TRIO: variants seen among roughly 807,000 people sequenced by gnomAD.
The protein encoded by TRIO is trio Rho guanine nucleotide exchange factor, also known as triple functional domain protein.
TRIO carries 58 observed loss-of-function variants against 351.9 expected under a neutral mutation model. The ratio of observed to expected loss-of-function variants is 0.16; its 90% CI spans 0.13 to 0.21. The LOEUF (loss-of-function observed/expected upper bound fraction) is 0.21. TRIO is among the 10% of genes least tolerant of loss of function. The pLI is 1.00. For synonymous variants in TRIO, 1,758 were observed against 1,595.7 expected, an observed-to-expected ratio of 1.10 and a Z score of -2.42; for missense variants, 3,201 against 4,027.8, an observed-to-expected ratio of 0.79 and a Z score of 5.56.
chr5:14,188,474 A>G (rs778579668), intron 1 of TRIO, among the ~76,000 whole-genome samples: 2 of 152,232 alleles, frequency 1.3e-5, no homozygotes, highest in Non-Finnish European at 2.9e-5. Flanking sequence ...TAAATCATAT[A>G]GTAGACATGA....
chr5:14,394,071 A>G lies in TRIO; in HGVS notation c.4252A>G (p.Ile1418Val), dbSNP rs1390231561. Residue 1418 changes from isoleucine to valine, a missense_variant, in exon 28 of 57, where the codon ATT becomes GTT. This residue lies in a region of TRIO where 115 missense variants were observed against 239.6 expected (regional missense o/e 0.48). Transcript: ENST00000344204. ...IQQRHGLANSISSYLIKPVQR... is the reference protein window; with the variant it reads ...IQQRHGLANSVSSYLIKPVQR... The stretch of plus-strand genomic sequence containing the variant: ...GCAGCGACATGGATTAGCCAATTCC[A>G]TTTCTTCCTACCTTATTAAACCAGT... 1 of 1,613,388 alleles carries G rather than the reference A, an allele frequency of 6.2e-7. No homozygotes were observed.
intron 34 of TRIO, among the ~76,000 whole-genome samples, chr5:14,424,373 G>A (rs1012605891): frequency 6.6e-6 from 1 of 152,014 alleles, no homozygotes; most frequent in African/African-American, 2.4e-5. Flanking sequence ...ACTCTAAAAG[G>A]CATTCACAAT....
chr5:14,352,211 C>T (rs1403529230), intron 11 of TRIO, among the ~76,000 whole-genome samples: 1 of 152,196 alleles, frequency 6.6e-6, no homozygotes, highest in Non-Finnish European at 1.5e-5. Context: ...GCCCTCTGGC[C>T]TGCAGATCCC....
intron 36 of TRIO, among the ~76,000 whole-genome samples, chr5:14,464,748 C>T (rs748845075): frequency 2.6e-5 from 4 of 152,178 alleles, no homozygotes; most frequent in African/African-American, 7.2e-5. Flanking sequence ...TCGCATGCCT[C>T]GCCGCTGTCC....
chr5:14,453,178 G>A (rs1752972302), intron 34 of TRIO, among the ~76,000 whole-genome samples: 1 of 152,050 alleles, frequency 6.6e-6, no homozygotes. Context: ...AAATAAGAAG[G>A]AATGAATTTG....
chr5:14,397,324 T>G, intron 29 of TRIO, 170 bp downstream of exon 29: 1 of 591,026 alleles, frequency 1.7e-6, no homozygotes, highest in Non-Finnish European at 2.9e-6. Flanking sequence ...ACATAAAATG[T>G]TTCTATACTC....
At chr5:14,314,536 C>T (rs1209640500) in intron 8 of TRIO, among the ~76,000 whole-genome samples, 2 of 150,414 alleles carry the variant, frequency 1.3e-5, no homozygotes, top group African/African-American at 5.0e-5. Context: ...GAAAACCAAA[C>T]ACTGTCTTTG....
intron 55 of TRIO, among the ~76,000 whole-genome samples, chr5:14,506,089 C>T (rs1757658488): frequency 6.6e-6 from 1 of 152,190 alleles, no homozygotes; most frequent in African/African-American, 2.4e-5. Context: ...GCCTCAGGAC[C>T]CGGGAGGTCT....
In TRIO at chr5:14,487,858, C is replaced by T; in HGVS notation, c.7230C>T (p.Pro2410=). Residue 2410 remains proline, a synonymous_variant, in exon 48 of 57, where the codon CCC becomes CCT. Coordinates refer to ENST00000344204, the MANE Select transcript of TRIO (RefSeq NM_007118.4). ...CCGAGCGAGAAGCGGAGCCGATCCC[C>T]AAGATGAAGGTGCTGGAGAGCCCCA... ...EGSEREAEPI[P]KMKVLESPRK... is the part of the protein sequence containing the mutation. 6.5e-7 allele frequency: 1 copy of T among 1,531,426 alleles called. No homozygotes were observed. Among genetic ancestry groups the T allele is most frequent in the South Asian group, 1.2e-5 (1 of 82,562 alleles). The allele number at this position is 1,531,426 out of a possible 1,614,324, so 94.9% of individuals were successfully genotyped here.
chr5:14,290,649 A>G, intron 4 of TRIO, 67 bp from the exon 5 acceptor site: 3 of 1,478,014 alleles, frequency 2.0e-6, no homozygotes, highest in Non-Finnish European at 2.7e-6. Context: ...GAGCATTGCA[A>G]ATTGCATTAT....
chr5:14,252,900 G>T (rs1409352494), intron 1 of TRIO, among the ~76,000 whole-genome samples: 1 of 151,912 alleles, frequency 6.6e-6, no homozygotes, highest in Non-Finnish European at 1.5e-5. Flanking sequence ...GGCACACCCA[G>T]CAAGACTGGC....
chr5:14,306,936 T>C (rs1738425683), intron 8 of TRIO, among the ~76,000 whole-genome samples: 2 of 152,206 alleles, frequency 1.3e-5, no homozygotes, highest in Admixed American at 1.3e-4. Flanking sequence ...TGATAGGAAG[T>C]TAAACAGCCT....
At chr5:14,504,703 T>A in intron 55 of TRIO, 110 bp downstream of exon 55, 1 of 1,353,642 alleles carries the variant, frequency 7.4e-7, no homozygotes, top group East Asian at 2.3e-5. Flanking sequence ...TTGTAGAATT[T>A]ACAGAACTAA....
intron 1 of TRIO, among the ~76,000 whole-genome samples, chr5:14,229,755 C>T (rs191867120): frequency 2.6e-5 from 4 of 151,966 alleles, no homozygotes; most frequent in East Asian, 3.9e-4. Context: ...GCTGAAAACA[C>T]GAAAATAGCG....
chr5:14,169,099 G>A (rs1437466440), intron 1 of TRIO, among the ~76,000 whole-genome samples: 1 of 151,592 alleles, frequency 6.6e-6, no homozygotes, highest in South Asian at 2.1e-4. Flanking sequence ...TAGGTTTCTC[G>A]TTCTTTGTGT....
Position 14,206,709 on chromosome 5 carries a change from G to T in TRIO, c.157+62827G>T, listed in dbSNP as rs191982946. On this transcript the variant is annotated intron_variant, in intron 1 of 56. Coordinates refer to ENST00000344204, the MANE Select transcript of TRIO (RefSeq NM_007118.4). ...ACATATTCGTTATCTGCGTGAGACA[G>T]TACAGATTGGTGTATAGTATTTTAC... is the stretch of plus-strand genomic sequence containing the variant. Among the ~76,000 whole-genome samples the T allele has an allele frequency of 3.7e-3, 564 of 152,324 alleles. 3 individuals carry two copies. Among genetic ancestry groups the T allele is most frequent in the African/African-American group, 0.013 (542 of 41,560 alleles).
intron 53 of TRIO, chr5:14,499,040 G>C (rs1414729829): frequency 5.6e-6 from 1 of 178,900 alleles, no homozygotes; most frequent in Non-Finnish European, 1.2e-5. Flanking sequence ...ATCTGGTCTA[G>C]GTTGGTCTCA....
intron 34 of TRIO, among the ~76,000 whole-genome samples, chr5:14,427,471 C>T (rs1245602882): frequency 1.3e-5 from 2 of 152,202 alleles, no homozygotes; most frequent in Admixed American, 6.5e-5. Flanking sequence ...AACCCCAGCA[C>T]GGGGGATACG....
intron 34 of TRIO, among the ~76,000 whole-genome samples, chr5:14,447,763 A>C (rs1752548020): frequency 6.6e-6 from 1 of 152,222 alleles, no homozygotes; most frequent in South Asian, 2.1e-4. Context: ...TGCCTTCTTC[A>C]TGTAAGATTA....
Sources: allele counts gnomAD v4.1 joint callset (sites outside exome capture counted in the v4.1 genomes callset), GRCh38; gene constraint gnomAD v4.1.1; regional missense constraint gnomAD v4.1.1; transcripts MANE v1.5; gene names NCBI Gene and HGNC (gene_info 2026-07-23, HGNC 2026-07-21).